The following ZNF615 variants were observed in gnomAD, a reference collection of about 807,000 sequenced individuals.
ZNF615 encodes the protein zinc finger protein 615.
In ZNF615, 15 loss-of-function variants were observed where a neutral mutation model predicts 15.3. That is an observed-to-expected ratio of 0.98 (90% confidence interval 0.66 to 1.51). The LOEUF is 1.51. ZNF615 is among the 40% of genes most tolerant of loss of function. ZNF615 has a pLI of 0.00. For synonymous variants in ZNF615, 268 were observed against 294.6 expected (o/e 0.91, Z 0.92); for missense variants, 848 against 895.9 (o/e 0.95, Z 0.68).
Position 51,992,253 on chromosome 19 carries a change from G to C in ZNF615, c.*627C>G, listed in dbSNP as rs1434204641. The C allele has an allele frequency of 2.6e-5, 4 of 152,158 alleles. No individual in the cohort carries two copies. The highest frequency in any genetic ancestry group is 4.8e-5 in the African/African-American group (2 of 41,418). The allele number at this position is 152,158 out of a possible 1,614,324, so 9.4% of individuals were successfully genotyped here. On this transcript the variant is annotated 3_prime_UTR_variant, in exon 7 of 7. Transcript: ENST00000598071. ...ACAATTTAAAATGTATAAAATCAGT[G>C]ACAAGGCAACTAGGAATATGGCTCA...
rs772807721 is a variant in ZNF615 at position 51,994,230 on chromosome 19, A to T, written c.879T>A (p.His293Gln). ...KSQLNIHQKT[H>Q]MGGKPYTCSQ... The stretch of plus-strand genomic sequence containing the variant: ...TACATGTGTAAGGTTTCCCTCCCAT[A>T]TGAGTTTTCTGATGTATATTGAGCT... The change falls in exon 7 of 7, where the codon CAT becomes CAA. Residue 293 changes from histidine (H) to glutamine (Q), a missense_variant. Physicochemically the swap from His to Gln is conservative, Grantham distance 24 (BLOSUM62 0). Coordinates refer to ENST00000598071, the MANE Select transcript of ZNF615 (RefSeq NM_001199324.2). The T allele has an allele frequency of 1.9e-6, 3 of 1,613,990 alleles. No homozygotes were observed. The Admixed American group carries it at 5.0e-5, about 27-fold the overall frequency.
chr19:52,006,054 A>C (rs941528333), intron 2 of ZNF615, among the ~76,000 whole-genome samples: 1 of 152,214 alleles, frequency 6.6e-6, no homozygotes, highest in Non-Finnish European at 1.5e-5. Flanking sequence ...CCAAAACCCC[A>C]TTCCTAAAAC....
In ZNF615 at chr19:51,993,537, T is replaced by C. The variant is rs765764921; in HGVS notation, c.1572A>G (p.Val524=). ...GAAAGCCTTTTCCACACTCACCACA[T>C]ACATAGGGTTTTTCTCCAGTATGAG... ...QRTHTGEKPY[V]CGECGKGFPA... is the part of the protein sequence containing the mutation. The change falls in exon 7 of 7, where the codon GTA becomes GTG. Residue 524 remains valine, a synonymous_variant. Coordinates refer to ENST00000598071, the MANE Select transcript of ZNF615 (RefSeq NM_001199324.2). The C allele has an allele frequency of 6.2e-7, 1 of 1,613,960 alleles. No homozygotes were observed. Among genetic ancestry groups the C allele is most frequent in the Non-Finnish European group, 8.5e-7 (1 of 1,179,982 alleles).
chr19:51,992,721 TAA>T lies in ZNF615; in HGVS notation c.*157_*158del. On this transcript the variant is annotated 3_prime_UTR_variant, in exon 7 of 7. Transcript: ENST00000598071. ...TATACAATTTTTAGACATAATGTCCTAAAATATTTTCTCAAATGTTTTGTACA... is the reference window on the plus strand; with the variant it reads ...TATACAATTTTTAGACATAATGTCCTAATATTTTCTCAAATGTTTTGTACA... The T allele has an allele frequency of 1.1e-6, 1 of 929,270 alleles. No homozygotes were observed. The highest frequency in any genetic ancestry group is 1.6e-6 in the Non-Finnish European group (1 of 615,822). 57.6% of individuals were successfully genotyped at this position (929,270 alleles called of 1,614,324 possible). A position where few individuals can be genotyped will look rare whatever the true frequency, so the allele number is the denominator to read the frequency against.
rs10500311 is a variant in ZNF615 at position 51,994,690 on chromosome 19, G to A, written c.419C>T (p.Thr140Met). The change falls in exon 7 of 7, where the codon ACG (threonine) becomes ATG (methionine). Residue 140 changes from threonine to methionine, a missense_variant. By Grantham distance (81) the Thr-to-Met change is moderately conservative (BLOSUM62 -1). Coordinates refer to ENST00000598071, the MANE Select transcript of ZNF615 (RefSeq NM_001199324.2). ...TAAAGGTTTTTCATGTAAGTCAAAC[G>A]TATCACAATCTTGCTTCAGCAGGAA... ...GHFLLKQDCD[T>M]FDLHEKPLKS... 0.32 allele frequency: 510,644 copies of A among 1,612,922 alleles called. 87,813 individuals carry two copies. The highest frequency in any genetic ancestry group is 0.59 in the African/African-American group (44,008 of 74,930).
chr19:52,003,264 G>T (rs1245954901), intron 3 of ZNF615, among the ~76,000 whole-genome samples: 1 of 152,118 alleles, frequency 6.6e-6, no homozygotes, highest in East Asian at 1.9e-4. Context: ...ACAGCTAAAA[G>T]AAATCTACTT....
intron 5 of ZNF615, among the ~76,000 whole-genome samples, chr19:52,001,413 A>T (rs1223474876): frequency 4.6e-5 from 7 of 152,024 alleles, no homozygotes; most frequent in Non-Finnish European, 8.8e-5. Flanking sequence ...AGGTCAAGAG[A>T]TCAAGACCAT....
Position 52,002,263 on chromosome 19 carries a change from C to A in ZNF615, c.34G>T (p.Asp12Tyr). Residue 12 changes from aspartate to tyrosine, a missense_variant, in exon 4 of 7, where the codon GAT becomes TAT. By Grantham distance (160) the Asp-to-Tyr change is radical. Transcript: ENST00000598071. ...TCCCAGGTGAAGTCCACAGCCACAT[C>A]CTCCAGTGTTAGGGATTCCTGTAAT... ...MQAQESLTLE[D>Y]VAVDFTWEEW... is the part of the protein sequence containing the mutation. The A allele has an allele frequency of 6.2e-7, 1 of 1,614,194 alleles. No homozygotes were observed. Among genetic ancestry groups the A allele is most frequent in the Non-Finnish European group, 8.5e-7 (1 of 1,180,028 alleles).
rs529858483 is a variant in ZNF615, at chr19:51,992,217, T to C, written c.*663A>G. The C allele has an allele frequency of 2.0e-5, 3 of 152,312 alleles. No individual in the cohort carries two copies. The highest frequency in any genetic ancestry group is 7.2e-5 in the African/African-American group (3 of 41,570). 9.4% of individuals were successfully genotyped at this position (152,312 alleles called of 1,614,324 possible). ...ACAATATTAAATTTTAGTTCGTGATTAGAGGAAGTCACAATTTAAAATGTA... is the reference window on the plus strand; with the variant it reads ...ACAATATTAAATTTTAGTTCGTGATCAGAGGAAGTCACAATTTAAAATGTA... On this transcript the variant is annotated 3_prime_UTR_variant, in exon 7 of 7. Transcript: ENST00000598071.
chr19:51,999,740 A>G (rs909515289), intron 6 of ZNF615, among the ~76,000 whole-genome samples: 3 of 152,256 alleles, frequency 2.0e-5, no homozygotes, highest in Admixed American at 1.3e-4. Context: ...TGAAGGAAGT[A>G]ATTTGCAGCA....
Position 51,993,892 on chromosome 19 carries a change from G to C in ZNF615, c.1217C>G (p.Thr406Arg). ...NSLITHQQTH[T>R]GEKLYTCSEC... The stretch of plus-strand genomic sequence containing the variant: ...ACTACATGTATATAATTTCTCTCCT[G>C]TATGAGTTTGCTGATGTGTGATAAG... Residue 406 changes from threonine (T) to arginine (R), a missense_variant, in exon 7 of 7, where the codon ACA (threonine) becomes AGA (arginine). Transcript: ENST00000598071. 1 of 1,614,112 alleles carries C rather than the reference G, an allele frequency of 6.2e-7. No individual in the cohort carries two copies. Among genetic ancestry groups the C allele is most frequent in the Non-Finnish European group, 8.5e-7 (1 of 1,180,022 alleles).
chr19:51,993,049 C>T lies in ZNF615; in HGVS notation c.2060G>A (p.Gly687Glu), dbSNP rs867854138. 1 of 1,614,196 alleles carries T rather than the reference C, an allele frequency of 6.2e-7. No individual in the cohort carries two copies. The highest frequency in any genetic ancestry group is 8.5e-7 in the Non-Finnish European group (1 of 1,180,026). Residue 687 changes from glycine (G) to glutamate (E), a missense_variant, in exon 7 of 7, where the codon GGA (glycine) becomes GAA (glutamate). Gly to Glu is a moderately conservative substitution (Grantham distance 98). Transcript: ENST00000598071. ...GTCACTGCATTTGTACGGTTTCTCTCCTGTGTGAATTCTCTGATGTGTAAT... is the reference window on the plus strand; with the variant it reads ...GTCACTGCATTTGTACGGTTTCTCTTCTGTGTGAATTCTCTGATGTGTAAT... ...DLITHQRIHT[G>E]EKPYKCSDCG...
At chr19:52,003,292 C>T (rs2086657766) in intron 3 of ZNF615, among the ~76,000 whole-genome samples, 1 of 152,144 alleles carries the variant, frequency 6.6e-6, no homozygotes, top group South Asian at 2.1e-4. Context: ...TATGAGAAGG[C>T]TACAGTTAAG....
chr19:51,995,737 A>AT (rs1442818962), intron 6 of ZNF615, among the ~76,000 whole-genome samples: 1 of 151,700 alleles, frequency 6.6e-6, no homozygotes, highest in Non-Finnish European at 1.5e-5. Flanking sequence ...CACCCAGCTA[A>AT]TTTTTTGTAT....
rs569756087 is a variant in ZNF615 at position 52,002,475 on chromosome 19, A to G, written c.16-194T>C. On this transcript the variant is annotated intron_variant, in intron 3 of 6. Coordinates refer to ENST00000598071, the MANE Select transcript of ZNF615 (RefSeq NM_001199324.2). Reference sequence around the variant, plus strand: ...GTCATCCATTCATTCAACAATGTTGAAAAGTCAAAGAAATGTCTGTAATAC... The same window carrying G: ...GTCATCCATTCATTCAACAATGTTGGAAAGTCAAAGAAATGTCTGTAATAC... 9.5e-5 allele frequency: 75 copies of G among 788,910 alleles called. 1 individual carries two copies. Among genetic ancestry groups the G allele is most frequent in the Admixed American group, 5.9e-4 (29 of 49,176 alleles). The allele number at this position is 788,910 out of a possible 1,614,324, so 48.9% of individuals were successfully genotyped here. A position where few individuals can be genotyped will look rare whatever the true frequency, so the allele number is the denominator to read the frequency against.
chr19:51,997,602 ATTCCAAAGAAAGAACTCG>A (rs2086478820), intron 6 of ZNF615, among the ~76,000 whole-genome samples: 1 of 152,212 alleles, frequency 6.6e-6, no homozygotes, highest in Non-Finnish European at 1.5e-5. Flanking sequence ...ATCCCTACAC[ATTCCAAAGAAAGAACTCG>A]TCTTAACTGC....
Position 51,993,707 on chromosome 19 carries a change from C to T in ZNF615, c.1402G>A (p.Val468Ile), listed in dbSNP as rs1185645067. 4 of 1,613,722 alleles carry T rather than the reference C, an allele frequency of 2.5e-6. No individual in the cohort carries two copies. The South Asian group carries it at 4.4e-5, about 18-fold the overall frequency. The change falls in exon 7 of 7, where the codon GTA becomes ATA. Residue 468 changes from valine (V) to isoleucine (I), a missense_variant. By Grantham distance (29) the Val-to-Ile change is conservative. Transcript: ENST00000598071. The stretch of plus-strand genomic sequence containing the variant: ...AAACCTTTTCGACATTCGGTGCATA[C>T]ATAGGGTTTCTCTCCAGTATGTGTT... ...QRTHTGEKPY[V>I]CTECRKGFTM...
intron 3 of ZNF615, among the ~76,000 whole-genome samples, chr19:52,003,187 C>A (rs1418027827): frequency 6.6e-6 from 1 of 151,980 alleles, no homozygotes; most frequent in Non-Finnish European, 1.5e-5. Flanking sequence ...CATGTATGCA[C>A]ACAGACAAAT....
At chr19:51,998,128 A>C (rs2086494179) in intron 6 of ZNF615, among the ~76,000 whole-genome samples, 1 of 151,720 alleles carries the variant, frequency 6.6e-6, no homozygotes, top group Non-Finnish European at 1.5e-5. Context: ...TCTACTCAAA[A>C]CTCCCTACTG....
Sources: gnomAD v4.1 joint callset for allele counts (sites outside exome capture counted in the v4.1 genomes callset) on GRCh38, gnomAD v4.1.1 for gene constraint, MANE v1.5 for transcripts, NCBI Gene and HGNC (gene_info 2026-07-23, HGNC 2026-07-21) for gene names.